GSG1L: variants seen among roughly 807,000 people sequenced by gnomAD.
GSG1L encodes germ cell-specific gene 1-like protein.
A neutral mutation model predicts 42.1 loss-of-function variants in GSG1L; 24 were observed. The ratio of observed to expected loss-of-function variants is 0.57; its 90% CI spans 0.41 to 0.80. The LOEUF (loss-of-function observed/expected upper bound fraction) is 0.80, where lower values mean the gene tolerates loss of function less well. Among genes scored for constraint, GSG1L ranks in the 30% least tolerant of loss-of-function variants. The probability of loss-of-function intolerance (pLI) is 0.00; values close to 1 mark genes in which losing one functional copy is unlikely to be tolerated. For missense variants in GSG1L, 445 were observed against 472.2 expected (o/e 0.94, Z 0.53); for synonymous variants, 215 against 203.5 (o/e 1.06, Z -0.48).
intron 1 of GSG1L, among the ~76,000 whole-genome samples, chr16:28,010,997 C>T (rs1174471272): frequency 2.0e-5 from 3 of 152,126 alleles, no homozygotes; most frequent in South Asian, 2.1e-4. Flanking sequence ...TCTGATGGGT[C>T]GTCGGGGCTC....
At chr16:27,844,911 T>C (rs2083426603) in intron 4 of GSG1L, 39 bp downstream of exon 4, 1 of 974,344 alleles carries the variant, frequency 1.0e-6, no homozygotes, top group Non-Finnish European at 1.5e-6. Flanking sequence ...CCTTGGGCCC[T>C]GGTGCCTGAA....
At chr16:27,822,792 G>C (rs1260801413) in intron 5 of GSG1L, among the ~76,000 whole-genome samples, 1 of 152,098 alleles carries the variant, frequency 6.6e-6, no homozygotes, top group Non-Finnish European at 1.5e-5. Context: ...GTGGTAACCA[G>C]GAAAAGCAGG....
At chr16:27,843,193 C>A in intron 4 of GSG1L, among the ~76,000 whole-genome samples, 1 of 152,176 alleles carries the variant, frequency 6.6e-6, no homozygotes, top group East Asian at 1.9e-4. Context: ...GACCTGGATA[C>A]CCTGTGTAGT....
chr16:27,942,450 A>C lies in GSG1L; in HGVS notation c.397+20706T>G, dbSNP rs192987182. Among the ~76,000 whole-genome samples, 28 of 122,148 alleles carry C rather than the reference A, an allele frequency of 2.3e-4. No homozygotes were observed. In the East Asian group the frequency reaches 5.5e-3, roughly 24 times the overall value. 80.1% of individuals were successfully genotyped at this position (122,148 alleles called of 152,430 possible). A position where few individuals can be genotyped will look rare whatever the true frequency, so the allele number is the denominator to read the frequency against. The stretch of plus-strand genomic sequence containing the variant: ...TAGACGTGAGCCACCGCACCTGGCC[A>C]AAAATGAGAACTTCTTAAAAGACAT... On this transcript the variant is annotated intron_variant, in intron 2 of 6. Coordinates refer to ENST00000447459, the MANE Select transcript of GSG1L (RefSeq NM_001109763.2).
rs541457575 is a variant in GSG1L, at chr16:27,821,716, C to T, written c.830+7073G>A. ...GAGATCACGACCATCCTGGGTAACA[C>T]GGTGAAACCCCGTCTCTACTAAAAA... On this transcript the variant is annotated intron_variant, in intron 5 of 6. Coordinates refer to ENST00000447459, the MANE Select transcript of GSG1L (RefSeq NM_001109763.2). Among the ~76,000 whole-genome samples, 11 of 151,824 alleles carry T rather than the reference C, an allele frequency of 7.2e-5. No individual in the cohort carries two copies. In the South Asian group the frequency reaches 1.9e-3, roughly 26 times the overall value.
intron 1 of GSG1L, among the ~76,000 whole-genome samples, chr16:28,060,965 G>T (rs934384351): frequency 6.6e-6 from 1 of 152,166 alleles, no homozygotes; most frequent in African/African-American, 2.4e-5. Context: ...GACCTTCAGG[G>T]AGCAGCCAAC....
intron 2 of GSG1L, among the ~76,000 whole-genome samples, chr16:27,946,534 G>A (rs2084861851): frequency 1.4e-5 from 2 of 143,730 alleles, no homozygotes; most frequent in Admixed American, 1.4e-4. Flanking sequence ...CACAGAGCAA[G>A]ACTCTGTCTC....
intron 3 of GSG1L, among the ~76,000 whole-genome samples, chr16:27,858,555 C>T (rs2083607031): frequency 6.6e-6 from 1 of 152,146 alleles, no homozygotes; most frequent in Non-Finnish European, 1.5e-5. Flanking sequence ...GATAGGCTGT[C>T]TTCATGGTTT....
At chr16:27,883,916 G>C (rs1645366) in intron 3 of GSG1L, among the ~76,000 whole-genome samples, 93,408 of 151,998 alleles carry the variant, frequency 0.61, 29,283 homozygotes, top group Admixed American at 0.75. Flanking sequence ...CCTCAAAATC[G>C]CTGGCTCTGT....
At chr16:27,836,083 C>T (rs1166128491) in intron 4 of GSG1L, among the ~76,000 whole-genome samples, 3 of 152,110 alleles carry the variant, frequency 2.0e-5, no homozygotes, top group Non-Finnish European at 2.9e-5. Flanking sequence ...ATTTCCCCTT[C>T]ATTTCTAAAG....
chr16:27,869,387 G>A (rs1428568005), intron 3 of GSG1L, among the ~76,000 whole-genome samples: 1 of 151,488 alleles, frequency 6.6e-6, no homozygotes. Context: ...GCTGCTGTTT[G>A]CTCCCTGTGT....
At chr16:27,960,642 G>C (rs777953522) in intron 2 of GSG1L, among the ~76,000 whole-genome samples, 2 of 152,152 alleles carry the variant, frequency 1.3e-5, no homozygotes, top group Non-Finnish European at 1.5e-5. Context: ...GAGTGTGGTG[G>C]GGAGAAAATG....
At chr16:28,008,034 C>A (rs1221128665) in intron 1 of GSG1L, among the ~76,000 whole-genome samples, 3 of 152,172 alleles carry the variant, frequency 2.0e-5, no homozygotes, top group Non-Finnish European at 4.4e-5. Context: ...CCCATCGCCA[C>A]TGGAGCACCC....
intron 2 of GSG1L, among the ~76,000 whole-genome samples, chr16:27,927,274 C>G (rs892408587): frequency 1.3e-5 from 2 of 152,094 alleles, no homozygotes; most frequent in African/African-American, 4.8e-5. Context: ...CTCAGCCTCC[C>G]AAGTAGCTGG....
In GSG1L at chr16:27,874,441, CTTTTTTTTTTTTTTTTTT is replaced by C. The variant is rs71140916; in HGVS notation, c.550+10027_550+10044del. Among the ~76,000 whole-genome samples the C allele has an allele frequency of 4.3e-4, 41 of 94,436 alleles. 1 individual carries two copies. The highest frequency in any genetic ancestry group is 8.8e-4 in the East Asian group (2 of 2,274). The allele number at this position is 94,436 out of a possible 152,430, so 62.0% of individuals were successfully genotyped here. A position where few individuals can be genotyped will look rare whatever the true frequency, so the allele number is the denominator to read the frequency against. ...TCTGGACACTGAAGCACAGGAGAGC[CTTTTTTTTTTTTTTTTTT>C]TTTTTTTTTTTGGACAGGGACTTTG... is the stretch of plus-strand genomic sequence containing the variant. On this transcript the variant is annotated intron_variant, in intron 3 of 6. Coordinates refer to ENST00000447459, the MANE Select transcript of GSG1L (RefSeq NM_001109763.2).
chr16:27,931,087 G>T (rs558490470), intron 2 of GSG1L, among the ~76,000 whole-genome samples: 45 of 152,302 alleles, frequency 3.0e-4, no homozygotes, highest in African/African-American at 4.8e-4. Flanking sequence ...ACTTGAGAAA[G>T]AACTTGGTGA....
intron 6 of GSG1L, among the ~76,000 whole-genome samples, chr16:27,805,911 C>G (rs1168799744): frequency 6.6e-6 from 1 of 151,916 alleles, no homozygotes; most frequent in Non-Finnish European, 1.5e-5. Flanking sequence ...CCCAGGCCCC[C>G]AGATGCCCCT....
In GSG1L at chr16:27,870,119, C is replaced by G. The variant is rs2083797253; in HGVS notation, c.550+14367G>C. ...TCTCCTTCCATCTCTTCTCTCCTCT[C>G]TCTGTCTGTCTCTGTGTCTCTCCAT... On this transcript the variant is annotated intron_variant, in intron 3 of 6. Coordinates refer to ENST00000447459, the MANE Select transcript of GSG1L (RefSeq NM_001109763.2). 1.3e-5 allele frequency among the ~76,000 whole-genome samples: 2 copies of G among 149,126 alleles called. 1 individual carries two copies. Among genetic ancestry groups the G allele is most frequent in the African/African-American group, 5.1e-5 (2 of 39,484 alleles).
At chr16:27,896,573 A>AT (rs1457247569) in intron 2 of GSG1L, among the ~76,000 whole-genome samples, 1 of 152,194 alleles carries the variant, frequency 6.6e-6, no homozygotes. Context: ...ATTAAATTAA[A>AT]TTTTTTAAAA....
Sources: gnomAD v4.1 joint callset for allele counts (sites outside exome capture counted in the v4.1 genomes callset) on GRCh38, gnomAD v4.1.1 for gene constraint, MANE v1.5 for transcripts, NCBI Gene and HGNC (gene_info 2026-07-23, HGNC 2026-07-21) for gene names.